The following HS6ST3 variants were observed in gnomAD, a reference collection of about 807,000 sequenced individuals.
HS6ST3 encodes the protein heparan-sulfate 6-O-sulfotransferase 3.
A neutral mutation model predicts 36.7 loss-of-function variants in HS6ST3; 12 were observed. The ratio of observed to expected loss-of-function variants is 0.33; its 90% CI spans 0.21 to 0.53. The LOEUF (loss-of-function observed/expected upper bound fraction) is 0.53, where lower values mean the gene tolerates loss of function less well. Ranked by LOEUF, HS6ST3 falls within the 20% of genes least tolerant of loss-of-function variation. HS6ST3 has a pLI of 0.95. For synonymous variants in HS6ST3, 240 were observed against 257.5 expected, an observed-to-expected ratio of 0.93 and a Z score of 0.65; for missense variants, 584 against 640.9, an observed-to-expected ratio of 0.91 and a Z score of 0.96.
At chr13:96,275,854 TC>T (rs2054745628) in intron 1 of HS6ST3, among the ~76,000 whole-genome samples, 1 of 115,108 alleles carries the variant, frequency 8.7e-6, no homozygotes, top group Non-Finnish European at 1.8e-5. Context: ...TCTCTGTCTC[TC>T]TTTTTTTTTT....
intron 1 of HS6ST3, among the ~76,000 whole-genome samples, chr13:96,355,087 A>G (rs1185147692): frequency 6.6e-6 from 1 of 152,216 alleles, no homozygotes. Context: ...GACAATTTAA[A>G]CATCAAAAAA....
intron 1 of HS6ST3, among the ~76,000 whole-genome samples, chr13:96,198,584 A>G (rs2054326123): frequency 6.6e-6 from 1 of 152,324 alleles, no homozygotes; most frequent in South Asian, 2.1e-4. Context: ...TCTCGAGTTC[A>G]AAGTTTTATA....
At chr13:96,491,244 G>A (rs1011072018) in intron 1 of HS6ST3, among the ~76,000 whole-genome samples, 5 of 151,924 alleles carry the variant, frequency 3.3e-5, no homozygotes, top group African/African-American at 1.2e-4. Context: ...AAAGACAAGT[G>A]ACCACTGCTG....
intron 1 of HS6ST3, among the ~76,000 whole-genome samples, chr13:96,346,586 T>A (rs79249494): frequency 0.35 from 49,144 of 140,854 alleles, 8,645 homozygotes; most frequent in African/African-American, 0.41. Context: ...AAAAAAATAA[T>A]AATAATAATA....
chr13:96,692,819 A>G (rs1308839593), intron 1 of HS6ST3, among the ~76,000 whole-genome samples: 1 of 152,196 alleles, frequency 6.6e-6, no homozygotes, highest in Non-Finnish European at 1.5e-5. Flanking sequence ...ATTCAGAATT[A>G]TTCAAATCCA....
chr13:96,436,144 T>C (rs1395202493), intron 1 of HS6ST3, among the ~76,000 whole-genome samples: 1 of 152,238 alleles, frequency 6.6e-6, no homozygotes, highest in Admixed American at 6.5e-5. Context: ...CTCTGCCCTA[T>C]GTTTTACTTG....
chr13:96,631,573 T>C (rs1371868140), intron 1 of HS6ST3, among the ~76,000 whole-genome samples: 1 of 152,188 alleles, frequency 6.6e-6, no homozygotes, highest in African/African-American at 2.4e-5. Context: ...GATTCTATTA[T>C]CATTAAGGGC....
At chr13:96,641,745 C>G (rs1407004382) in intron 1 of HS6ST3, among the ~76,000 whole-genome samples, 6 of 151,732 alleles carry the variant, frequency 4.0e-5, no homozygotes, top group Non-Finnish European at 8.8e-5. Context: ...GGATTTATAT[C>G]AACATAGTTT....
chr13:96,728,735 C>T (rs1325651367), intron 1 of HS6ST3, among the ~76,000 whole-genome samples: 2 of 152,124 alleles, frequency 1.3e-5, no homozygotes, highest in Non-Finnish European at 1.5e-5. Flanking sequence ...ATCAATCATC[C>T]CTGTTCTGAC....
intron 1 of HS6ST3, among the ~76,000 whole-genome samples, chr13:96,593,162 T>TTTTC (rs1566406157): frequency 7.1e-5 from 10 of 140,544 alleles, no homozygotes; most frequent in East Asian, 4.2e-4. Flanking sequence ...TGACTGTGTA[T>TTTTC]TTTCTTTCTT....
At chr13:96,770,132 T>A (rs763789231) in intron 1 of HS6ST3, among the ~76,000 whole-genome samples, 2 of 152,202 alleles carry the variant, frequency 1.3e-5, no homozygotes, top group Non-Finnish European at 2.9e-5. Context: ...TCATTAACTC[T>A]CAGCTTGTAA....
At chr13:96,295,347 G>A (rs1414406015) in intron 1 of HS6ST3, among the ~76,000 whole-genome samples, 1 of 152,116 alleles carries the variant, frequency 6.6e-6, no homozygotes, top group East Asian at 1.9e-4. Context: ...GAATAGAGAA[G>A]TGTTTCTTGT....
intron 1 of HS6ST3, among the ~76,000 whole-genome samples, chr13:96,389,935 A>C (rs2055387510): frequency 6.6e-6 from 1 of 152,194 alleles, no homozygotes. Context: ...CAACTCAGCA[A>C]GGAAGCCAAT....
At chr13:96,734,253 T>C (rs892341639) in intron 1 of HS6ST3, among the ~76,000 whole-genome samples, 2 of 152,210 alleles carry the variant, frequency 1.3e-5, no homozygotes, top group Non-Finnish European at 2.9e-5. Flanking sequence ...AAGGAAATAC[T>C]CTACACCATT....
chr13:96,656,278 C>A (rs994951890), intron 1 of HS6ST3, among the ~76,000 whole-genome samples: 9 of 152,136 alleles, frequency 5.9e-5, no homozygotes, highest in Non-Finnish European at 1.2e-4. Flanking sequence ...TAATAATTTG[C>A]TCTCCAATAA....
intron 1 of HS6ST3, among the ~76,000 whole-genome samples, chr13:96,436,624 G>A (rs2055643955): frequency 6.6e-6 from 1 of 152,144 alleles, no homozygotes; most frequent in South Asian, 2.1e-4. Context: ...AACCTGACTA[G>A]TGTCCTTATA....
At chr13:96,194,743 A>C (rs2054304132) in intron 1 of HS6ST3, among the ~76,000 whole-genome samples, 1 of 148,756 alleles carries the variant, frequency 6.7e-6, no homozygotes, top group African/African-American at 2.5e-5. Context: ...ACCAAATCCC[A>C]CCTCCCCCAC....
chr13:96,275,859 T>C (rs1021272563), intron 1 of HS6ST3, among the ~76,000 whole-genome samples: 9 of 151,250 alleles, frequency 6.0e-5, no homozygotes, highest in East Asian at 2.0e-4. Context: ...GTCTCTCTTT[T>C]TTTTTTTTTT....
At chr13:96,580,548 T>C (rs925688080) in intron 1 of HS6ST3, among the ~76,000 whole-genome samples, 1 of 152,122 alleles carries the variant, frequency 6.6e-6, no homozygotes, top group African/African-American at 2.4e-5. Flanking sequence ...AGTGACTTTC[T>C]TACTAATTAT....
Sources: gnomAD v4.1 joint callset for allele counts (sites outside exome capture counted in the v4.1 genomes callset) on GRCh38, gnomAD v4.1.1 for gene constraint, MANE v1.5 for transcripts, NCBI Gene and HGNC (gene_info 2026-07-23, HGNC 2026-07-21) for gene names.